The following STAT3 variants were observed in gnomAD, a reference collection of about 807,000 sequenced individuals.
STAT3 encodes the protein signal transducer and activator of transcription 3.
Under a neutral mutation model 114.3 loss-of-function variants are expected in STAT3, and 7 were observed. The ratio of observed to expected loss-of-function variants is 0.06; its 90% CI spans 0.03 to 0.11. STAT3 has a LOEUF of 0.11. Ranked by LOEUF, STAT3 falls within the 10% of genes least tolerant of loss-of-function variation. The pLI is 1.00. For missense variants in STAT3, 364 were observed against 960.9 expected (o/e 0.38, Z 8.21); for synonymous variants, 331 against 354.5 (o/e 0.93, Z 0.74).
At chr17:42,321,830 T>C (rs1349531781) in intron 21 of STAT3, among the ~76,000 whole-genome samples, 1 of 152,168 alleles carries the variant, frequency 6.6e-6, no homozygotes, top group Non-Finnish European at 1.5e-5. Flanking sequence ...CCCCTCTTTA[T>C]TTTTATTTTT....
intron 1 of STAT3, among the ~76,000 whole-genome samples, chr17:42,370,001 T>G (rs1267656870): frequency 1.3e-5 from 2 of 152,218 alleles, no homozygotes; most frequent in Admixed American, 6.5e-5. Context: ...AGACGGAGTC[T>G]TGCTCTGTCG....
Position 42,333,575 on chromosome 17 carries a change from C to T in STAT3, c.1049+98G>A, listed in dbSNP as rs1034343569. 61 of 1,361,836 alleles carry T rather than the reference C, an allele frequency of 4.5e-5. 1 individual carries two copies. The African/African-American group carries it at 8.8e-4, about 20-fold the overall frequency. 84.4% of individuals were successfully genotyped at this position (1,361,836 alleles called of 1,614,324 possible). A position where few individuals can be genotyped will look rare whatever the true frequency, so the allele number is the denominator to read the frequency against. ...CGCAACAGTGTACTGCCTGTGACAC[C>T]ACACCTGGAAAGAATGACCCTGGCC... is the stretch of plus-strand genomic sequence containing the variant. On this transcript the variant is annotated intron_variant, in intron 10 of 23. Transcript: ENST00000264657. The surrounding 1 kb of genome is among the most constrained non-coding windows in gnomAD (Gnocchi z 5.2).
chr17:42,380,288 G>A (rs982395248), intron 1 of STAT3, among the ~76,000 whole-genome samples: 9 of 151,706 alleles, frequency 5.9e-5, no homozygotes, highest in Admixed American at 5.9e-4. Flanking sequence ...CTCCCAAAGT[G>A]CTGGAATTAC....
In STAT3 at chr17:42,315,316, C is replaced by T. The variant is rs2081207174; in HGVS notation, c.*429G>A. The T allele has an allele frequency of 5.0e-6, 2 of 397,716 alleles. No homozygotes were observed. The highest frequency in any genetic ancestry group is 5.4e-5 in the South Asian group (2 of 37,034). 24.6% of individuals were successfully genotyped at this position (397,716 alleles called of 1,614,324 possible). ...AAAGTGCAATGCCAGGAGTATGTAG[C>T]TATAGGTGGCCTGTGGCATTTGCTT... On this transcript the variant is annotated 3_prime_UTR_variant, in exon 24 of 24. Transcript: ENST00000264657.
At chr17:42,323,461 A>AGGCCCGTCTACCTTCAGGCT in intron 18 of STAT3, 107 bp from the exon 19 acceptor site, 1 of 1,546,204 alleles carries the variant, frequency 6.5e-7, no homozygotes, top group South Asian at 1.1e-5. Flanking sequence ...ACCTTCAGGC[A>AGGCCCGTCTACCTTCAGGCT]GGTCCTACTG....
chr17:42,350,493 C>T (rs1049361730), intron 1 of STAT3, among the ~76,000 whole-genome samples: 1 of 152,108 alleles, frequency 6.6e-6, no homozygotes, highest in African/African-American at 2.4e-5. Flanking sequence ...CACTGTGTTG[C>T]CCAGGCTGGT....
intron 4 of STAT3, among the ~76,000 whole-genome samples, chr17:42,343,187 A>C (rs2082526050): frequency 6.7e-6 from 1 of 150,198 alleles, no homozygotes; most frequent in Non-Finnish European, 1.5e-5. Context: ...AAAAAAAAAA[A>C]CAAAGGTTAC....
intron 1 of STAT3, among the ~76,000 whole-genome samples, chr17:42,357,492 C>T (rs889227381): frequency 1.3e-5 from 2 of 151,804 alleles, no homozygotes; most frequent in African/African-American, 4.8e-5. Context: ...GCTAACATGG[C>T]AAAAGCCTGT....
At chr17:42,336,890 AATT>A (rs567813068) in intron 8 of STAT3, among the ~76,000 whole-genome samples, 65 of 152,110 alleles carry the variant, frequency 4.3e-4, no homozygotes, top group Non-Finnish European at 6.0e-4. Context: ...GCCTTAATTG[AATT>A]ATTAAGTAAA....
chr17:42,321,775 C>T (rs2144672874), intron 21 of STAT3, among the ~76,000 whole-genome samples: 1 of 152,324 alleles, frequency 6.6e-6, no homozygotes, highest in Non-Finnish European at 1.5e-5. Context: ...CTCACTTTCC[C>T]TTCTCGTGTT....
chr17:42,346,963 C>T lies in STAT3; in HGVS notation c.129-250G>A, dbSNP rs113576679. 0.061 allele frequency among the ~76,000 whole-genome samples: 9,232 copies of T among 151,952 alleles called. 349 individuals are homozygous for T. The highest frequency in any genetic ancestry group is 0.074 in the Non-Finnish European group (5,052 of 67,930). On this transcript the variant is annotated intron_variant, in intron 2 of 23. Coordinates refer to ENST00000264657, the MANE Select transcript of STAT3 (RefSeq NM_139276.3). ...CAGCACTTTGGGAGGCTGAGGCAGGCGGATCACCTGAGGTCAGGAGTTCCA... is the reference window on the plus strand; with the variant it reads ...CAGCACTTTGGGAGGCTGAGGCAGGTGGATCACCTGAGGTCAGGAGTTCCA...
intron 1 of STAT3, among the ~76,000 whole-genome samples, chr17:42,384,433 C>G (rs912827169): frequency 6.6e-6 from 1 of 150,988 alleles, no homozygotes; most frequent in African/African-American, 2.4e-5. Flanking sequence ...CCCGGCGCCC[C>G]GAAAGTTTTA....
chr17:42,343,297 T>C (rs371004425), intron 4 of STAT3, among the ~76,000 whole-genome samples: 3 of 151,822 alleles, frequency 2.0e-5, no homozygotes, highest in East Asian at 3.9e-4. Flanking sequence ...GATTATAGGA[T>C]ATTAAAGACG....
intron 11 of STAT3, among the ~76,000 whole-genome samples, chr17:42,330,440 T>C (rs1262872198): frequency 7.0e-6 from 1 of 143,372 alleles, no homozygotes; most frequent in African/African-American, 2.6e-5. Context: ...CTTTTCTTTT[T>C]TTTTTTTTTT....
rs1354983780 is a variant in STAT3, at chr17:42,388,229, C to T, written c.-24+50G>A. 6 of 1,230,434 alleles carry T rather than the reference C, an allele frequency of 4.9e-6. No homozygotes were observed. The Admixed American group carries it at 2.5e-4, about 52-fold the overall frequency. The allele number at this position is 1,230,434 out of a possible 1,614,324, so 76.2% of individuals were successfully genotyped here. ...CCAGAGGCCCCCTGCCGCTGCGGAG[C>T]CCCCGGGTCCCCAGGCCTCCCCAAC... On this transcript the variant is annotated intron_variant, in intron 1 of 23. Transcript: ENST00000264657.
intron 1 of STAT3, among the ~76,000 whole-genome samples, chr17:42,382,602 T>C (rs1422133790): frequency 6.6e-6 from 1 of 152,178 alleles, no homozygotes; most frequent in Admixed American, 6.5e-5. Context: ...TACCTGGCTC[T>C]CAACATGTTT....
At chr17:42,368,679 C>G (rs1259496911) in intron 1 of STAT3, among the ~76,000 whole-genome samples, 2 of 151,554 alleles carry the variant, frequency 1.3e-5, no homozygotes, top group South Asian at 4.2e-4. Context: ...AAGCTGGTCT[C>G]GAATTCCTGG....
At position 42,319,778 on chromosome 17, in the gene STAT3, T is replaced by C. The variant is rs574043366; in HGVS notation, c.2101+2504A>G. Among the ~76,000 whole-genome samples, 17 of 152,052 alleles carry C rather than the reference T, an allele frequency of 1.1e-4. 1 individual carries two copies. The East Asian group carries it at 3.3e-3, about 30-fold the overall frequency. The stretch of plus-strand genomic sequence containing the variant: ...TCTTGTGATGGAAATAGAGAGGAAA[T>C]GGTCACATGCTCATCGTCCTGAAGG... On this transcript the variant is annotated intron_variant, in intron 21 of 23. Coordinates refer to ENST00000264657, the MANE Select transcript of STAT3 (RefSeq NM_139276.3).
chr17:42,388,054 TC>T, intron 1 of STAT3: 1 of 501,574 alleles, frequency 2.0e-6, no homozygotes, highest in Non-Finnish European at 3.1e-6. Context: ...GCGTTCTGTT[TC>T]TCCGAAGAAC....
Sources: gnomAD v4.1 joint callset for allele counts (sites outside exome capture counted in the v4.1 genomes callset) on GRCh38, gnomAD v4.1.1 for gene constraint, Gnocchi (gnomAD v3.1) non-coding constraint, MANE v1.5 for transcripts, NCBI Gene and HGNC (gene_info 2026-07-23, HGNC 2026-07-21) for gene names.